Variants in STK31 observed in about 807,000 individuals in gnomAD.
STK31 encodes the protein serine/threonine-protein kinase 31.
Under a neutral mutation model 129.7 loss-of-function variants are expected in STK31, and 89 were observed. The ratio of observed to expected loss-of-function variants is 0.69; its 90% CI spans 0.58 to 0.82. The LOEUF (loss-of-function observed/expected upper bound fraction) is 0.82, where lower values mean the gene tolerates loss of function less well. STK31 is among the 40% of genes least tolerant of loss of function. STK31 has a pLI of 0.00. For missense variants in STK31, 1,187 were observed against 1,176.4 expected (o/e 1.01, Z -0.13); for synonymous variants, 448 against 395.3 (o/e 1.13, Z -1.58).
intron 3 of STK31, among the ~76,000 whole-genome samples, chr7:23,715,204 T>TC (rs1200679817): frequency 2.4e-5 from 2 of 84,472 alleles, no homozygotes; most frequent in African/African-American, 9.7e-5. Context: ...ACGTGTATTC[T>TC]CCATTTTTTT....
chr7:23,719,974 A>T (rs961373040), intron 4 of STK31, among the ~76,000 whole-genome samples: 3 of 152,140 alleles, frequency 2.0e-5, no homozygotes, highest in Non-Finnish European at 4.4e-5. Flanking sequence ...AATCCATGTA[A>T]TACTAGTAAA....
chr7:23,746,118 T>G (rs1459155579), intron 8 of STK31, among the ~76,000 whole-genome samples: 1 of 152,026 alleles, frequency 6.6e-6, no homozygotes, highest in African/African-American at 2.4e-5. Context: ...GCAGTCTACT[T>G]GGGGCTGGGC....
At position 23,769,055 on chromosome 7, in the gene STK31, G is replaced by C. The variant is rs1228351184; in HGVS notation, c.1477G>C (p.Glu493Gln). 2.1e-5 allele frequency: 34 copies of C among 1,613,020 alleles called. No homozygotes were observed. The highest frequency in any genetic ancestry group is 2.8e-5 in the Non-Finnish European group (33 of 1,179,406). ...AGCCAAAGAAGGAGCAAATTCTGATGAAATACTTAAAAAATTTTATGACTG... is the reference window on the plus strand; with the variant it reads ...AGCCAAAGAAGGAGCAAATTCTGATCAAATACTTAAAAAATTTTATGACTG... ...GQAKEGANSD[E>Q]ILKKFYDWKC... The change falls in exon 12 of 24, where the codon GAA becomes CAA. Residue 493 changes from glutamate (E) to glutamine (Q), a missense_variant. By Grantham distance (29) the Glu-to-Gln change is conservative. Around this residue, in one of 5 missense-constraint regions of STK31, gnomAD observed 975 missense variants for 934.9 expected, o/e 1.04. Coordinates refer to ENST00000355870, the MANE Select transcript of STK31 (RefSeq NM_031414.5).
rs183881382 is a variant in STK31 at position 23,776,938 on chromosome 7, C to T, written c.1966-4481C>T. ...TAGGGTGTCGATTTTAGATCTTTTC[C>T]GCTTTCACCTGTGGGCATTTAGTGC... On this transcript the variant is annotated intron_variant, in intron 15 of 23. Coordinates refer to ENST00000355870, the MANE Select transcript of STK31 (RefSeq NM_031414.5). 4.7e-4 allele frequency among the ~76,000 whole-genome samples: 71 copies of T among 152,066 alleles called. 1 individual carries two copies. The highest frequency in any genetic ancestry group is 2.3e-3 in the South Asian group (11 of 4,820).
intron 22 of STK31, among the ~76,000 whole-genome samples, chr7:23,806,987 G>T (rs181802296): frequency 1.3e-5 from 2 of 151,576 alleles, no homozygotes; most frequent in Non-Finnish European, 1.5e-5. Context: ...GGAATTTCGT[G>T]TATTAATATT....
intron 22 of STK31, among the ~76,000 whole-genome samples, chr7:23,801,041 C>T (rs991750586): frequency 1.3e-5 from 2 of 152,034 alleles, no homozygotes; most frequent in Admixed American, 6.6e-5. Flanking sequence ...TTTATGTGAA[C>T]GTAAGTTTTT....
At chr7:23,783,078 T>G (rs557155868) in intron 16 of STK31, among the ~76,000 whole-genome samples, 2 of 152,016 alleles carry the variant, frequency 1.3e-5, no homozygotes, top group Non-Finnish European at 2.9e-5. Flanking sequence ...TCGGAGAGAC[T>G]CTGGGGATGC....
At chr7:23,737,872 TG>T (rs1787811344) in intron 8 of STK31, among the ~76,000 whole-genome samples, 1 of 149,420 alleles carries the variant, frequency 6.7e-6, no homozygotes, top group Non-Finnish European at 1.5e-5. Context: ...TGTGTGTGTG[TG>T]TGTGTGTGTG....
intron 23 of STK31, among the ~76,000 whole-genome samples, chr7:23,818,583 A>G (rs573335938): frequency 6.6e-6 from 1 of 151,794 alleles, no homozygotes; most frequent in African/African-American, 2.4e-5. Flanking sequence ...TAATACTTAT[A>G]GGGCTAGTTC....
At chr7:23,815,479 T>G (rs1793414936) in intron 23 of STK31, among the ~76,000 whole-genome samples, 1 of 152,160 alleles carries the variant, frequency 6.6e-6, no homozygotes, top group Non-Finnish European at 1.5e-5. Flanking sequence ...CAAGATCATA[T>G]TATAGTAAAA....
intron 15 of STK31, among the ~76,000 whole-genome samples, chr7:23,777,819 C>T (rs1365446301): frequency 6.6e-6 from 1 of 152,086 alleles, no homozygotes; most frequent in African/African-American, 2.4e-5. Flanking sequence ...TTAATTGGGG[C>T]ATTTCACCTG....
intron 8 of STK31, among the ~76,000 whole-genome samples, chr7:23,741,543 T>C (rs1788057402): frequency 6.6e-6 from 1 of 152,162 alleles, no homozygotes; most frequent in Non-Finnish European, 1.5e-5. Flanking sequence ...TTTCACCTAG[T>C]ATCAAGCTCT....
intron 22 of STK31, among the ~76,000 whole-genome samples, chr7:23,804,598 A>G (rs1420868261): frequency 6.6e-6 from 1 of 152,170 alleles, no homozygotes. Context: ...TGAAGATTTT[A>G]TTCCGACTCT....
In STK31 at chr7:23,771,089, G is replaced by A. The variant is rs55796076; in HGVS notation, c.1798G>A (p.Ala600Thr). Residue 600 changes from alanine (A) to threonine (T), a missense_variant, in exon 14 of 24, where the codon GCC (alanine) becomes ACC (threonine). Physicochemically the swap from Ala to Thr is moderately conservative, Grantham distance 58. Transcript: ENST00000355870. ...QKIHSEERLI[A>T]TVQAKYKDSI... Reference sequence around the variant, plus strand: ...GATTCATTCAGAGGAAAGGCTCATTGCCACAGTACAAGCTAAGTACAAGGA... The same window carrying A: ...GATTCATTCAGAGGAAAGGCTCATTACCACAGTACAAGCTAAGTACAAGGA... 2,235 of 1,612,812 alleles carry A rather than the reference G, an allele frequency of 1.4e-3. 30 individuals carry two copies. In the African/African-American group the frequency reaches 0.027, roughly 20 times the overall value.
intron 10 of STK31, chr7:23,755,106 G>C (rs763397964): frequency 6.6e-6 from 1 of 152,042 alleles, no homozygotes; most frequent in Non-Finnish European, 1.5e-5. Flanking sequence ...ACTAATTTAC[G>C]TTCCCACCAA....
intron 4 of STK31, chr7:23,721,964 T>C: frequency 4.9e-6 from 1 of 202,710 alleles, no homozygotes; most frequent in South Asian, 8.3e-5. Flanking sequence ...TTATTCTAGT[T>C]AGCCATTCGT....
intron 23 of STK31, among the ~76,000 whole-genome samples, chr7:23,829,802 C>G (rs931798325): frequency 2.6e-5 from 4 of 152,128 alleles, no homozygotes; most frequent in Non-Finnish European, 4.4e-5. Flanking sequence ...TGACCAAATC[C>G]CGTTACTTGT....
intron 9 of STK31, among the ~76,000 whole-genome samples, chr7:23,753,475 T>G (rs1455793564): frequency 4.6e-5 from 7 of 152,192 alleles, no homozygotes; most frequent in Non-Finnish European, 8.8e-5. Context: ...ACCCCTGGAT[T>G]GGAATAAGCG....
chr7:23,827,319 C>T (rs1279439775), intron 23 of STK31, among the ~76,000 whole-genome samples: 13 of 152,104 alleles, frequency 8.5e-5, no homozygotes, highest in Non-Finnish European at 1.9e-4. Flanking sequence ...TTTCTCTAAA[C>T]TTCTCTTCAC....
Sources: allele counts gnomAD v4.1 joint callset (sites outside exome capture counted in the v4.1 genomes callset), GRCh38; gene constraint gnomAD v4.1.1; regional missense constraint gnomAD v4.1.1; transcripts MANE v1.5; gene names NCBI Gene and HGNC (gene_info 2026-07-23, HGNC 2026-07-21).